OCIAD1: variants seen among roughly 807,000 people sequenced by gnomAD.
OCIAD1 encodes OCIA domain-containing protein 1.
In OCIAD1, 29 loss-of-function variants were observed where a neutral mutation model predicts 38.9. The observed-to-expected ratio is 0.74, with a 90% confidence interval of 0.55 to 1.02. The LOEUF is 1.02. Ranked by LOEUF, OCIAD1 falls within the 50% of genes least tolerant of loss-of-function variation. OCIAD1 has a pLI of 0.00. For missense variants in OCIAD1, 288 were observed against 289.6 expected (o/e 0.99, Z 0.04); for synonymous variants, 110 against 92.0 (o/e 1.20, Z -1.12).
At chr4:48,839,967 C>T (rs1778376096) in intron 3 of OCIAD1, among the ~76,000 whole-genome samples, 3 of 152,172 alleles carry the variant, frequency 2.0e-5, no homozygotes, top group Admixed American at 2.0e-4. Flanking sequence ...TTGCTTTGAG[C>T]AAATGACTTG....
intron 3 of OCIAD1, among the ~76,000 whole-genome samples, chr4:48,841,412 C>T (rs1778520691): frequency 6.6e-6 from 1 of 152,156 alleles, no homozygotes; most frequent in South Asian, 2.1e-4. Context: ...AAACCAGGTC[C>T]CAAGAGTTCT....
chr4:48,836,075 T>C (rs1382699786), intron 3 of OCIAD1, among the ~76,000 whole-genome samples: 1 of 152,084 alleles, frequency 6.6e-6, no homozygotes, highest in Admixed American at 6.6e-5. Flanking sequence ...GGGGGTGATA[T>C]GTAAGGTTTT....
chr4:48,831,382 C>T (rs964989097), intron 1 of OCIAD1, 133 bp downstream of exon 1: 5 of 726,506 alleles, frequency 6.9e-6, no homozygotes, highest in African/African-American at 1.8e-5. Flanking sequence ...GCTCGGGTCT[C>T]GGCCTCCTGA....
At chr4:48,827,244 A>T (rs1304569123), upstream of OCIAD1, among the ~76,000 whole-genome samples, 1 of 152,232 alleles carries the variant, frequency 6.6e-6, no homozygotes, top group Non-Finnish European at 1.5e-5. Context: ...GTAGAAGTTC[A>T]CTACATTGAT....
At chr4:48,808,423 T>C (rs1435480274) in intron 1 of OCIAD1, among the ~76,000 whole-genome samples, 2 of 152,034 alleles carry the variant, frequency 1.3e-5, no homozygotes, top group Non-Finnish European at 2.9e-5. Context: ...TGAATGGTGA[T>C]TGCACCACTG....
At chr4:48,820,646 G>T (rs1356427776) in intron 1 of OCIAD1, among the ~76,000 whole-genome samples, 1 of 151,988 alleles carries the variant, frequency 6.6e-6, no homozygotes, top group Non-Finnish European at 1.5e-5. Flanking sequence ...CAAATAGATG[G>T]ACCACTAGCT....
intron 1 of OCIAD1, among the ~76,000 whole-genome samples, chr4:48,817,333 T>C (rs916532502): frequency 2.1e-4 from 32 of 152,122 alleles, no homozygotes; most frequent in African/African-American, 7.0e-4. Flanking sequence ...ACTGGGCGGC[T>C]GTTTGGGCAG....
At chr4:48,820,942 C>T (rs574691506) in intron 1 of OCIAD1, among the ~76,000 whole-genome samples, 9 of 152,204 alleles carry the variant, frequency 5.9e-5, no homozygotes, top group East Asian at 3.9e-4. Context: ...CAGGACCAGA[C>T]GAATTCACAG....
intron 7 of OCIAD1, among the ~76,000 whole-genome samples, chr4:48,855,043 C>T (rs1216254920): frequency 6.6e-6 from 1 of 152,166 alleles, no homozygotes; most frequent in Non-Finnish European, 1.5e-5. Flanking sequence ...CCCCAGTCTT[C>T]TTCTGTCTGA....
intron 3 of OCIAD1, among the ~76,000 whole-genome samples, chr4:48,839,571 G>A (rs1778337724): frequency 6.6e-6 from 1 of 152,110 alleles, no homozygotes; most frequent in African/African-American, 2.4e-5. Flanking sequence ...ATAAAATGGG[G>A]ATAACTGCCT....
At chr4:48,812,110 A>G (rs1173535632) in intron 1 of OCIAD1, among the ~76,000 whole-genome samples, 1 of 151,642 alleles carries the variant, frequency 6.6e-6, no homozygotes, top group Non-Finnish European at 1.5e-5. Flanking sequence ...GTGAAACCCT[A>G]TCTCTACTAA....
chr4:48,810,342 G>T (rs1777073781), intron 1 of OCIAD1, among the ~76,000 whole-genome samples: 1 of 151,710 alleles, frequency 6.6e-6, no homozygotes, highest in South Asian at 2.1e-4. Context: ...GGTGGCGGGT[G>T]CCTGTAGTCC....
Position 48,848,361 on chromosome 4 carries a change from AAC to A in OCIAD1, c.194-36_194-35del, listed in dbSNP as rs565455297. 344 of 1,000,414 alleles carry A rather than the reference AAC, an allele frequency of 3.4e-4. No homozygotes were observed. In the African/African-American group the frequency reaches 5.3e-3, roughly 16 times the overall value. The allele number at this position is 1,000,414 out of a possible 1,614,324, so 62.0% of individuals were successfully genotyped here. On this transcript the variant is annotated intron_variant, in intron 4 of 8. Coordinates refer to ENST00000264312, the MANE Select transcript of OCIAD1 (RefSeq NM_017830.4). ...AGCCTTTACTGATTTTTCTTTCTGT[AAC>A]AGTGTTACTCAGAAATACTTAACTC...
chr4:48,816,303 A>T (rs572614449), intron 1 of OCIAD1, among the ~76,000 whole-genome samples: 1 of 152,212 alleles, frequency 6.6e-6, no homozygotes, highest in Admixed American at 6.5e-5. Context: ...GGACATCTAT[A>T]TAGCGCTTAG....
At chr4:48,824,093 T>C (rs1429488567) in intron 1 of OCIAD1, among the ~76,000 whole-genome samples, 4 of 151,908 alleles carry the variant, frequency 2.6e-5, no homozygotes, top group Admixed American at 2.0e-4. Context: ...ATCCTCCCAC[T>C]TCAGCCTCCT....
At chr4:48,836,072 A>G (rs1312980778) in intron 3 of OCIAD1, among the ~76,000 whole-genome samples, 1 of 152,120 alleles carries the variant, frequency 6.6e-6, no homozygotes, top group Non-Finnish European at 1.5e-5. Flanking sequence ...GAGGGGGGTG[A>G]TATGTAAGGT....
Position 48,851,870 on chromosome 4 carries a change from C to T in OCIAD1, c.442C>T (p.Pro148Ser), listed in dbSNP as rs1779508397. ...TGGTCAATCATCTTTTGTGACATCCCCAGCAGCAGACAACATAGAAATGCT... is the reference window on the plus strand; with the variant it reads ...TGGTCAATCATCTTTTGTGACATCCTCAGCAGCAGACAACATAGAAATGCT... Reference protein sequence around the residue: ...VSGQSSFVTSPAADNIEMLPH... With the variant: ...VSGQSSFVTSSAADNIEMLPH... The change falls in exon 7 of 9, where the codon CCA (proline) becomes TCA (serine). Residue 148 changes from proline (P) to serine (S), a missense_variant. Pro to Ser is a moderately conservative substitution (Grantham distance 74). Transcript: ENST00000264312. The T allele has an allele frequency of 4.3e-6, 7 of 1,613,458 alleles. No homozygotes were observed. The East Asian group carries it at 1.6e-4, about 36-fold the overall frequency.
At chr4:48,844,841 T>G (rs183051977) in intron 4 of OCIAD1, among the ~76,000 whole-genome samples, 8 of 152,240 alleles carry the variant, frequency 5.3e-5, no homozygotes, top group African/African-American at 1.9e-4. Flanking sequence ...ATACTGTAAA[T>G]CATCTCTAGA....
chr4:48,846,267 G>A (rs1411494944), intron 4 of OCIAD1, among the ~76,000 whole-genome samples: 2 of 152,186 alleles, frequency 1.3e-5, no homozygotes, highest in African/African-American at 2.4e-5. Context: ...AAGGAACTGA[G>A]GCTAAAGGCA....
Sources: allele counts gnomAD v4.1 joint callset (sites outside exome capture counted in the v4.1 genomes callset), GRCh38; gene constraint gnomAD v4.1.1; transcripts MANE v1.5; gene names NCBI Gene and HGNC (gene_info 2026-07-23, HGNC 2026-07-21).